Variants in CAND2 observed in about 807,000 individuals in gnomAD.
The protein encoded by CAND2 is cullin-associated NEDD8-dissociated protein 2.
Under a neutral mutation model 98.9 loss-of-function variants are expected in CAND2, and 62 were observed. That is an observed-to-expected ratio of 0.63 (90% confidence interval 0.51 to 0.77). CAND2 has a LOEUF of 0.77. Among genes scored for constraint, CAND2 ranks in the 30% least tolerant of loss-of-function variants. The probability of loss-of-function intolerance (pLI) is 0.00; values close to 1 mark genes in which losing one functional copy is unlikely to be tolerated. For synonymous variants in CAND2, 770 were observed against 731.9 expected (o/e 1.05, Z -0.84); for missense variants, 1,501 against 1,655.2 (o/e 0.91, Z 1.62).
intron 11 of CAND2, among the ~76,000 whole-genome samples, chr3:12,821,578 C>G (rs775782582): frequency 1.3e-5 from 2 of 152,236 alleles, no homozygotes; most frequent in Non-Finnish European, 2.9e-5. Context: ...ACATGCCCCC[C>G]CTCCGGCCTG....
Position 12,813,063 on chromosome 3 carries a change from C to CT in CAND2, c.832dup (p.Cys278LeufsTer6). 6.3e-7 allele frequency: 1 copy of CT among 1,582,496 alleles called. No homozygotes were observed. Among genetic ancestry groups the CT allele is most frequent in the Non-Finnish European group, 8.6e-7 (1 of 1,164,684 alleles). ...TGGATGATGATGAGCTCCGGGAGTC[C>CT]TGCCTCCAGGCTTTTGAGGCCTTCT... On this transcript the variant is annotated frameshift_variant, in exon 6 of 15. Coordinates refer to ENST00000456430, the MANE Select transcript of CAND2 (RefSeq NM_001162499.2). LOFTEE classifies it high-confidence loss of function.
chr3:12,832,991 C>G (rs962131140), intron 14 of CAND2, among the ~76,000 whole-genome samples: 2 of 152,162 alleles, frequency 1.3e-5, no homozygotes, highest in African/African-American at 4.8e-5. Context: ...GCAACTCTTA[C>G]GACGAGGCAG....
intron 10 of CAND2, among the ~76,000 whole-genome samples, chr3:12,819,215 T>C (rs2061934686): frequency 6.6e-6 from 1 of 152,266 alleles, no homozygotes. Flanking sequence ...CCAGTCAGGC[T>C]GGCAAGGGAA....
chr3:12,824,173 A>G (rs1463442677), intron 11 of CAND2, among the ~76,000 whole-genome samples: 1 of 152,218 alleles, frequency 6.6e-6, no homozygotes, highest in African/African-American at 2.4e-5. Context: ...CCAACATGGC[A>G]CATGTATACC....
At chr3:12,813,450 C>A (rs2061871211) in intron 7 of CAND2, 62 bp downstream of exon 7, 2 of 1,552,696 alleles carry the variant, frequency 1.3e-6, no homozygotes, top group Admixed American at 3.6e-5. Context: ...TCCTGGGATC[C>A]CCCAACCAAA....
In CAND2 at chr3:12,810,070, C is replaced by A. The variant is rs757692027; in HGVS notation, c.503C>A (p.Pro168Gln). Reference sequence around the variant, plus strand: ...CTCGTGCTCCCCAGGCTGGGTGTCCCGCTGGGCGCCTTCCACGCCAGCCTC... The same window carrying A: ...CTCGTGCTCCCCAGGCTGGGTGTCCAGCTGGGCGCCTTCCACGCCAGCCTC... The part of the protein sequence containing the change: ...LSDMLSRLGV[P>Q]LGAFHASLLH... The change falls in exon 5 of 15, where the codon CCG (proline) becomes CAG (glutamine). Residue 168 changes from proline (P) to glutamine (Q), a missense_variant. Pro to Gln is a moderately conservative substitution (Grantham distance 76). Around this residue, in one of 3 missense-constraint regions of CAND2, gnomAD observed 1,427 missense variants for 1,545.3 expected, o/e 0.92. Coordinates refer to ENST00000456430, the MANE Select transcript of CAND2 (RefSeq NM_001162499.2). 7 of 1,427,376 alleles carry A rather than the reference C, an allele frequency of 4.9e-6. No individual in the cohort carries two copies. The highest frequency in any genetic ancestry group is 6.4e-6 in the Non-Finnish European group (7 of 1,091,348). 88.4% of individuals were successfully genotyped at this position (1,427,376 alleles called of 1,614,324 possible).
In CAND2 at chr3:12,829,281, G is replaced by A. The variant is rs989538706; in HGVS notation, c.3375+1677G>A. Among the ~76,000 whole-genome samples, 4 of 152,174 alleles carry A rather than the reference G, an allele frequency of 2.6e-5. No homozygotes were observed. The East Asian group carries it at 7.7e-4, about 29-fold the overall frequency. ...CTGCCTCGGCCTCTTGAGTAGCTGG[G>A]ATTACAGATGTGCACCACCACGCTC... On this transcript the variant is annotated intron_variant, in intron 13 of 14. Coordinates refer to ENST00000456430, the MANE Select transcript of CAND2 (RefSeq NM_001162499.2).
At chr3:12,809,976 G>A in intron 4 of CAND2, 83 bp from the exon 5 acceptor site, 4 of 1,371,660 alleles carry the variant, frequency 2.9e-6, no homozygotes, top group Non-Finnish European at 3.8e-6. Flanking sequence ...GAAGGAGGCC[G>A]GGAGAGAATG....
intron 12 of CAND2, 78 bp from the exon 13 acceptor site, chr3:12,827,360 GAT>G (rs2062012253): frequency 7.3e-7 from 1 of 1,362,914 alleles, no homozygotes. Flanking sequence ...GTGGAATAGA[GAT>G]GTGGGGTTTG....
Position 12,820,103 on chromosome 3 carries a change from A to G in CAND2, c.2962A>G (p.Ser988Gly). 3.1e-6 allele frequency: 5 copies of G among 1,614,074 alleles called. No individual in the cohort carries two copies. Among genetic ancestry groups the G allele is most frequent in the Non-Finnish European group, 4.2e-6 (5 of 1,179,988 alleles). Reference protein sequence around the residue: ...QLAAGRPHTRSTVITAVKFLI... With the variant: ...QLAAGRPHTRGTVITAVKFLI... Reference sequence around the variant, plus strand: ...TCCTGCAGGTCGGCCACACACCCGGAGCACCGTCATCACAGCGGTCAAGTT... The same window carrying G: ...TCCTGCAGGTCGGCCACACACCCGGGGCACCGTCATCACAGCGGTCAAGTT... Residue 988 changes from serine (S) to glycine (G), a missense_variant, in exon 11 of 15, where the codon AGC (serine) becomes GGC (glycine). By Grantham distance (56) the Ser-to-Gly change is moderately conservative (BLOSUM62 0). Coordinates refer to ENST00000456430, the MANE Select transcript of CAND2 (RefSeq NM_001162499.2).
intron 9 of CAND2, 112 bp from the exon 10 acceptor site, chr3:12,816,262 T>A: frequency 9.1e-7 from 1 of 1,099,782 alleles, no homozygotes; most frequent in Non-Finnish European, 1.3e-6. Flanking sequence ...TGCAGAAGAG[T>A]TTAGGTGCTT....
intron 1 of CAND2, among the ~76,000 whole-genome samples, chr3:12,801,773 C>T (rs2061768577): frequency 6.6e-6 from 1 of 152,216 alleles, no homozygotes; most frequent in African/African-American, 2.4e-5. Context: ...CCCTCAGTGT[C>T]CTCCAGGAAT....
chr3:12,798,979 C>G, intron 1 of CAND2, among the ~76,000 whole-genome samples: 1 of 152,082 alleles, frequency 6.6e-6, no homozygotes, highest in East Asian at 1.9e-4. Context: ...GTTTCCTGTT[C>G]TTCCTGGGCC....
At chr3:12,831,700 ATT>A in intron 14 of CAND2, 128 bp downstream of exon 14, 1 of 612,454 alleles carries the variant, frequency 1.6e-6, no homozygotes, top group Non-Finnish European at 2.9e-6. Context: ...TCATTTAATC[ATT>A]GTCATTGCCC....
At chr3:12,813,191 C>T (rs982120774) in intron 6 of CAND2, 55 bp from the exon 7 acceptor site, 82 of 1,602,198 alleles carry the variant, frequency 5.1e-5, no homozygotes, top group Non-Finnish European at 6.6e-5. Context: ...TGGGCCCTGT[C>T]CCCCACTCCT....
intron 13 of CAND2, among the ~76,000 whole-genome samples, chr3:12,831,011 T>C (rs931281243): frequency 2.1e-5 from 3 of 144,922 alleles, no homozygotes; most frequent in African/African-American, 8.3e-5. Flanking sequence ...GTTTAGTTGT[T>C]GTTAAAAGTT....
chr3:12,827,171 A>C (rs2062010102), intron 12 of CAND2, among the ~76,000 whole-genome samples: 2 of 152,208 alleles, frequency 1.3e-5, no homozygotes, highest in Admixed American at 1.3e-4. Context: ...TGCTTGAATG[A>C]AACGTCATCA....
In CAND2 at chr3:12,815,548, G is replaced by A. The variant is rs569610184; in HGVS notation, c.1299+115G>A. The A allele has an allele frequency of 4.2e-6, 5 of 1,183,160 alleles. No homozygotes were observed. The South Asian group carries it at 7.8e-5, about 18-fold the overall frequency. The allele number at this position is 1,183,160 out of a possible 1,614,324, so 73.3% of individuals were successfully genotyped here. ...AGAACATCCAGCCATGGAAGGGAAG[G>A]GAAGGGGTCCCTGGGGTGGGGGGCG... On this transcript the variant is annotated intron_variant, in intron 8 of 14. Coordinates refer to ENST00000456430, the MANE Select transcript of CAND2 (RefSeq NM_001162499.2). This position sits in a 1 kb window ranked among gnomAD's most constrained non-coding sequence, Gnocchi z 5.7.
In CAND2 at chr3:12,817,817, A is replaced by G. The variant is rs755957635; in HGVS notation, c.2885A>G (p.Lys962Arg). Reference sequence around the variant, plus strand: ...GGGGTGGTGGCCGAGTGCATTGGGAAGCTGGTCCTTGTGAACCCTTCGTTC... The same window carrying G: ...GGGGTGGTGGCCGAGTGCATTGGGAGGCTGGTCCTTGTGAACCCTTCGTTC... ...TRGVVAECIGKLVLVNPSFLL... is the reference protein window; with the variant it reads ...TRGVVAECIGRLVLVNPSFLL... Residue 962 changes from lysine to arginine, a missense_variant, in exon 10 of 15, where the codon AAG (lysine) becomes AGG (arginine). Coordinates refer to ENST00000456430, the MANE Select transcript of CAND2 (RefSeq NM_001162499.2). 5 of 1,522,618 alleles carry G rather than the reference A, an allele frequency of 3.3e-6. No homozygotes were observed. The highest frequency in any genetic ancestry group is 2.2e-5 in the Admixed American group (1 of 44,886). The allele number at this position is 1,522,618 out of a possible 1,614,324, so 94.3% of individuals were successfully genotyped here.
Sources: allele counts gnomAD v4.1 joint callset (sites outside exome capture counted in the v4.1 genomes callset), GRCh38; gene constraint gnomAD v4.1.1; regional missense constraint gnomAD v4.1.1; non-coding constraint Gnocchi (gnomAD v3.1); transcripts MANE v1.5; gene names NCBI Gene and HGNC (gene_info 2026-07-23, HGNC 2026-07-21).